The following ZBTB7C variants were observed in gnomAD, a reference collection of about 807,000 sequenced individuals.
ZBTB7C encodes zinc finger and BTB domain containing 7C, also known as zinc finger and BTB domain-containing protein 7C.
ZBTB7C carries 8 observed loss-of-function variants against 25.7 expected under a neutral mutation model. The observed-to-expected ratio is 0.31, with a 90% CI of 0.18 to 0.56. The LOEUF (loss-of-function observed/expected upper bound fraction) is 0.56, where lower values mean the gene tolerates loss of function less well. Among genes scored for constraint, ZBTB7C ranks in the 20% least tolerant of loss-of-function variants. The probability of loss-of-function intolerance (pLI) is 0.91; values close to 1 mark genes in which losing one functional copy is unlikely to be tolerated. For missense variants in ZBTB7C, 824 were observed against 855.2 expected, an observed-to-expected ratio of 0.96 and a Z score of 0.46; for synonymous variants, 394 against 369.0, an observed-to-expected ratio of 1.07 and a Z score of -0.78.
chr18:48,125,619 G>A (rs773203348), intron 3 of ZBTB7C, among the ~76,000 whole-genome samples: 26 of 152,358 alleles, frequency 1.7e-4, no homozygotes, highest in Non-Finnish European at 3.7e-4. Context: ...GAGACGCAGT[G>A]AAGCACTGTG....
At chr18:48,280,706 C>T (rs1393108525) in intron 2 of ZBTB7C, among the ~76,000 whole-genome samples, 1 of 152,096 alleles carries the variant, frequency 6.6e-6, no homozygotes, top group Non-Finnish European at 1.5e-5. Context: ...GAGCCAGAGT[C>T]CCCAGCAAGG....
intron 1 of ZBTB7C, among the ~76,000 whole-genome samples, chr18:48,373,692 T>G (rs535443511): frequency 6.6e-6 from 1 of 152,344 alleles, no homozygotes; most frequent in African/African-American, 2.4e-5. Context: ...CCGGGCACTA[T>G]GGCTCACGCC....
intron 2 of ZBTB7C, among the ~76,000 whole-genome samples, chr18:48,307,099 T>C (rs1214632431): frequency 1.3e-5 from 2 of 152,090 alleles, no homozygotes; most frequent in Non-Finnish European, 2.9e-5. Flanking sequence ...CCAAATCCCA[T>C]TAATTATATG....
rs181647655 is a variant in ZBTB7C, at chr18:48,387,474, T to C, written c.-304+21752A>G. On this transcript the variant is annotated intron_variant, in intron 1 of 4. Transcript: ENST00000590800. ...AACACGGTCATCTGAAATCCACAGA[T>C]AGCTGCCAGGTCTCATTTTATCATC... Among the ~76,000 whole-genome samples, 164 of 152,352 alleles carry C rather than the reference T, an allele frequency of 1.1e-3. 1 individual carries two copies. Among genetic ancestry groups the C allele is most frequent in the African/African-American group, 3.9e-3 (161 of 41,580 alleles).
At chr18:48,035,731 C>T (rs1455479306) in intron 4 of ZBTB7C, among the ~76,000 whole-genome samples, 1 of 152,248 alleles carries the variant, frequency 6.6e-6, no homozygotes, top group Non-Finnish European at 1.5e-5. Context: ...TCACATGCTC[C>T]CTGTTCTTCT....
intron 2 of ZBTB7C, among the ~76,000 whole-genome samples, chr18:48,258,509 A>G (rs1568335231): frequency 6.6e-6 from 1 of 152,376 alleles, no homozygotes; most frequent in South Asian, 2.1e-4. Context: ...ATACAACAAT[A>G]GATGTGCAAA....
intron 3 of ZBTB7C, among the ~76,000 whole-genome samples, chr18:48,130,493 A>G (rs2039954182): frequency 6.6e-6 from 1 of 152,156 alleles, no homozygotes; most frequent in African/African-American, 2.4e-5. Context: ...GAAGAGCGTG[A>G]CTGTCTTACC....
intron 4 of ZBTB7C, among the ~76,000 whole-genome samples, chr18:48,038,770 G>C (rs1028001986): frequency 4.3e-4 from 65 of 152,102 alleles, no homozygotes; most frequent in African/African-American, 1.5e-3. Flanking sequence ...TCTCTGAGAG[G>C]GACAGTGGCA....
chr18:48,172,246 G>A (rs1036322397), intron 3 of ZBTB7C, among the ~76,000 whole-genome samples: 9 of 152,166 alleles, frequency 5.9e-5, no homozygotes, highest in African/African-American at 2.2e-4. Context: ...TTTTAAGCTA[G>A]TGGGAAGATG....
At chr18:48,398,673 C>A (rs1192965969) in intron 1 of ZBTB7C, among the ~76,000 whole-genome samples, 1 of 152,108 alleles carries the variant, frequency 6.6e-6, no homozygotes, top group African/African-American at 2.4e-5. Flanking sequence ...CAGACCCCAC[C>A]GCTTCCCCAC....
intron 2 of ZBTB7C, among the ~76,000 whole-genome samples, chr18:48,290,791 C>T (rs1024337982): frequency 2.0e-5 from 3 of 152,188 alleles, no homozygotes; most frequent in Non-Finnish European, 2.9e-5. Context: ...CAGGACAGCC[C>T]GCGGAAAGCC....
intron 3 of ZBTB7C, among the ~76,000 whole-genome samples, chr18:48,139,180 T>G (rs2040264331): frequency 1.3e-5 from 2 of 150,404 alleles, no homozygotes; most frequent in Admixed American, 6.6e-5. Context: ...GGTGCGGGAG[T>G]GGAGGCAGGA....
intron 3 of ZBTB7C, among the ~76,000 whole-genome samples, chr18:48,121,725 C>T (rs55661045): frequency 0.15 from 23,328 of 152,186 alleles, 1,920 homozygotes; most frequent in South Asian, 0.23. Flanking sequence ...TGTGAGCCAT[C>T]ACCTGGCCTG....
intron 2 of ZBTB7C, among the ~76,000 whole-genome samples, chr18:48,212,872 C>T (rs901291187): frequency 1.3e-5 from 2 of 151,992 alleles, no homozygotes; most frequent in African/African-American, 4.8e-5. Flanking sequence ...AGAATATAGG[C>T]CAACTTCGAA....
intron 2 of ZBTB7C, among the ~76,000 whole-genome samples, chr18:48,279,528 A>G (rs529066895): frequency 6.6e-6 from 1 of 152,320 alleles, no homozygotes. Flanking sequence ...AAATGAACAC[A>G]AAGGACTGCA....
At chr18:48,326,426 G>A (rs762949991) in intron 2 of ZBTB7C, among the ~76,000 whole-genome samples, 1 of 152,076 alleles carries the variant, frequency 6.6e-6, no homozygotes, top group Admixed American at 6.6e-5. Flanking sequence ...ATTTGGGGTG[G>A]TCTGTAATTA....
In ZBTB7C at chr18:48,397,597, T is replaced by C. The variant is rs114142915; in HGVS notation, c.-304+11629A>G. ...TGAGAATGAGCGGCTATGTCACACA[T>C]ACAAAGTGCCTGTTGTGGTTGCTCA... is the stretch of plus-strand genomic sequence containing the variant. On this transcript the variant is annotated intron_variant, in intron 1 of 4. Transcript: ENST00000590800. Among the ~76,000 whole-genome samples the C allele has an allele frequency of 4.0e-3, 612 of 152,284 alleles. 9 individuals are homozygous for C. The highest frequency in any genetic ancestry group is 0.014 in the African/African-American group (581 of 41,544).
Position 48,029,917 on chromosome 18 carries a change from A to T in ZBTB7C, c.1209-6T>A. ...GGATTTTCAGCTTGTCCTGCCTGCA[A>T]TGCAGAGACTGGGGGTCAGTCCCGC... On this transcript the variant is annotated splice_polypyrimidine_tract_variant and splice_region_variant and intron_variant, in intron 4 of 4. Coordinates refer to ENST00000590800, the MANE Select transcript of ZBTB7C (RefSeq NM_001318841.2). 1 of 1,610,476 alleles carries T rather than the reference A, an allele frequency of 6.2e-7. No individual in the cohort carries two copies. Among genetic ancestry groups the T allele is most frequent in the Admixed American group, 1.7e-5 (1 of 60,024 alleles).
intron 3 of ZBTB7C, among the ~76,000 whole-genome samples, chr18:48,140,740 T>C (rs1254371396): frequency 1.3e-5 from 2 of 152,126 alleles, no homozygotes; most frequent in African/African-American, 4.8e-5. Flanking sequence ...GAATGAGTGA[T>C]ACTCAAGCCA....
Sources: allele counts gnomAD v4.1 joint callset (sites outside exome capture counted in the v4.1 genomes callset), GRCh38; gene constraint gnomAD v4.1.1; transcripts MANE v1.5; gene names NCBI Gene and HGNC (gene_info 2026-07-23, HGNC 2026-07-21).